Variants in KLHDC4 observed in about 807,000 individuals in gnomAD.
KLHDC4 encodes kelch domain containing 4, also known as kelch domain-containing protein 4.
In KLHDC4, 90 loss-of-function variants were observed where a neutral mutation model predicts 62.4. The ratio of observed to expected loss-of-function variants is 1.44; its 90% CI spans 1.22 to 1.72. The LOEUF is 1.72. Among genes scored for constraint, KLHDC4 ranks in the 40% most tolerant of loss-of-function variants. The pLI, the probability that KLHDC4 is intolerant of heterozygous loss-of-function variation, is 0.00. For synonymous variants in KLHDC4, 386 were observed against 284.4 expected (o/e 1.36, Z -3.59); for missense variants, 1,025 against 699.7 (o/e 1.47, Z -5.25).
In KLHDC4 at chr16:87,730,599, G is replaced by C. The variant is rs750080887; in HGVS notation, c.552C>G (p.Ala184=). ...PSGRSGHRMV[A]WKRQLILFGG... ...CAAACAGGATCAATTGTCTCTTCCAGGCCACCATCCGATGTCCACTCCGAC... is the reference window on the plus strand; with the variant it reads ...CAAACAGGATCAATTGTCTCTTCCACGCCACCATCCGATGTCCACTCCGAC... Residue 184 remains alanine, a synonymous_variant, in exon 6 of 12, where the codon GCC becomes GCG. Coordinates refer to ENST00000270583, the MANE Select transcript of KLHDC4 (RefSeq NM_017566.4). 1 of 1,613,156 alleles carries C rather than the reference G, an allele frequency of 6.2e-7. No homozygotes were observed. Among genetic ancestry groups the C allele is most frequent in the South Asian group, 1.1e-5 (1 of 90,790 alleles).
chr16:87,710,689 G>A (rs114049133), intron 9 of KLHDC4: 2,612 of 152,750 alleles, frequency 0.017, 65 homozygotes, highest in African/African-American at 0.052. Context: ...GCCACCACAC[G>A]TCAAAAGCAG....
chr16:87,709,055 G>A (rs990058711), intron 10 of KLHDC4, among the ~76,000 whole-genome samples: 4 of 152,256 alleles, frequency 2.6e-5, no homozygotes, highest in Admixed American at 6.5e-5. Flanking sequence ...GTCAGCACCC[G>A]GGACAAAGGA....
chr16:87,754,920 C>G (rs952040995), intron 4 of KLHDC4, among the ~76,000 whole-genome samples: 1 of 152,156 alleles, frequency 6.6e-6, no homozygotes, highest in Admixed American at 6.5e-5. Context: ...AGTGAGCATT[C>G]TGCCAGTGGC....
At chr16:87,755,709 C>A (rs150564759) in intron 3 of KLHDC4, 3 of 178,886 alleles carry the variant, frequency 1.7e-5, no homozygotes, top group Admixed American at 1.7e-4. Flanking sequence ...GGACTACAGG[C>A]GCCCGCCACC....
At chr16:87,718,348 C>T (rs1597448680) in intron 7 of KLHDC4, among the ~76,000 whole-genome samples, 3 of 97,164 alleles carry the variant, frequency 3.1e-5, no homozygotes, top group South Asian at 1.2e-3. Flanking sequence ...TCTCCTCCCC[C>T]TCCCCCTCCC....
At chr16:87,759,958 C>T (rs1268767086) in intron 2 of KLHDC4, among the ~76,000 whole-genome samples, 1 of 152,160 alleles carries the variant, frequency 6.6e-6, no homozygotes, top group Admixed American at 6.5e-5. Context: ...GTCATGCCCC[C>T]ATTTTCCAGG....
intron 9 of KLHDC4, 57 bp from the exon 10 acceptor site, chr16:87,709,724 C>T (rs3829507): frequency 0.058 from 86,303 of 1,484,154 alleles, 5,511 homozygotes; most frequent in East Asian, 0.34. Context: ...GGGGTCATTC[C>T]TGCTATGCCC....
intron 5 of KLHDC4, among the ~76,000 whole-genome samples, chr16:87,744,810 A>T (rs1028188776): frequency 6.6e-6 from 1 of 152,194 alleles, no homozygotes; most frequent in Non-Finnish European, 1.5e-5. Flanking sequence ...CTGTGCACGT[A>T]CAGTGTGCAC....
intron 1 of KLHDC4, among the ~76,000 whole-genome samples, 157 bp downstream of exon 1, chr16:87,765,635 C>A (rs979979167): frequency 2.6e-5 from 4 of 152,234 alleles, no homozygotes; most frequent in African/African-American, 9.6e-5. Context: ...GTCTGGGCTG[C>A]CCGGACGCGG....
intron 7 of KLHDC4, among the ~76,000 whole-genome samples, chr16:87,715,013 C>T (rs12933978): frequency 0.2 from 30,334 of 152,176 alleles, 3,301 homozygotes; most frequent in African/African-American, 0.29. Context: ...GCACTGCCCA[C>T]TGAAAGACTT....
chr16:87,713,309 C>A (rs1256949149), intron 8 of KLHDC4, among the ~76,000 whole-genome samples: 2 of 152,120 alleles, frequency 1.3e-5, no homozygotes, highest in East Asian at 3.9e-4. Flanking sequence ...ACGCCATTCT[C>A]CTGCCTCAGC....
chr16:87,762,179 T>G (rs2143480709), intron 1 of KLHDC4, 139 bp from the exon 2 acceptor site: 1 of 1,467,954 alleles, frequency 6.8e-7, no homozygotes. Context: ...TGTGCCTGTT[T>G]GAAATGCAGA....
At chr16:87,757,025 G>C (rs1415699435) in intron 2 of KLHDC4, among the ~76,000 whole-genome samples, 1 of 151,890 alleles carries the variant, frequency 6.6e-6, no homozygotes, top group Non-Finnish European at 1.5e-5. Context: ...GCATTGGCCA[G>C]GCTGGTCTCA....
At chr16:87,745,144 C>T (rs1296785595) in intron 5 of KLHDC4, among the ~76,000 whole-genome samples, 1 of 152,206 alleles carries the variant, frequency 6.6e-6, no homozygotes, top group East Asian at 1.9e-4. Flanking sequence ...TTTAAAATTC[C>T]AATGAGCAGG....
downstream of KLHDC4, among the ~76,000 whole-genome samples, chr16:87,704,969 C>T (rs561773291): frequency 3.3e-5 from 5 of 152,108 alleles, no homozygotes; most frequent in South Asian, 1.0e-3. Flanking sequence ...CCTTTAAAAT[C>T]CCACAAAGCC....
chr16:87,745,607 G>C (rs566782089), intron 5 of KLHDC4, among the ~76,000 whole-genome samples: 2 of 152,356 alleles, frequency 1.3e-5, no homozygotes, highest in South Asian at 4.1e-4. Flanking sequence ...TGCGCTTGGA[G>C]CTGGTACACA....
At chr16:87,724,413 T>A (rs1320462946) in intron 7 of KLHDC4, among the ~76,000 whole-genome samples, 2 of 152,132 alleles carry the variant, frequency 1.3e-5, no homozygotes, top group Non-Finnish European at 2.9e-5. Flanking sequence ...AACAAACACT[T>A]CGGAAGGTGA....
intron 5 of KLHDC4, among the ~76,000 whole-genome samples, chr16:87,746,652 C>A (rs1426982185): frequency 6.6e-6 from 1 of 152,210 alleles, no homozygotes; most frequent in Non-Finnish European, 1.5e-5. Context: ...CCAGAAATCA[C>A]CACCAGAGAC....
chr16:87,759,857 G>A (rs538315363), intron 2 of KLHDC4, among the ~76,000 whole-genome samples: 4 of 152,182 alleles, frequency 2.6e-5, no homozygotes, highest in South Asian at 2.1e-4. Context: ...CGATCTACAC[G>A]GGGCCCAAAC....
Sources: gnomAD v4.1 joint callset for allele counts (sites outside exome capture counted in the v4.1 genomes callset) on GRCh38, gnomAD v4.1.1 for gene constraint, MANE v1.5 for transcripts, NCBI Gene and HGNC (gene_info 2026-07-23, HGNC 2026-07-21) for gene names.